HSPA12A: variants seen among roughly 807,000 people sequenced by gnomAD.
HSPA12A encodes heat shock protein family A (Hsp70) member 12A.
Under a neutral mutation model 69.2 loss-of-function variants are expected in HSPA12A, and 28 were observed. The ratio of observed to expected loss-of-function variants is 0.40; its 90% CI spans 0.30 to 0.55. The LOEUF (loss-of-function observed/expected upper bound fraction) is 0.55. Among genes scored for constraint, HSPA12A ranks in the 20% least tolerant of loss-of-function variants. The pLI is 0.38. For missense variants in HSPA12A, 686 were observed against 900.7 expected, an observed-to-expected ratio of 0.76 and a Z score of 3.05; for synonymous variants, 345 against 370.5, an observed-to-expected ratio of 0.93 and a Z score of 0.79.
At chr10:116,821,706 C>A (rs1349238482) in intron 2 of HSPA12A, among the ~76,000 whole-genome samples, 1 of 152,148 alleles carries the variant, frequency 6.6e-6, no homozygotes, top group Admixed American at 6.5e-5. Flanking sequence ...CCACGCTGAT[C>A]CACCCGTGTC....
chr10:116,850,325 T>C (rs1290917666), upstream of HSPA12A: 1 of 161,648 alleles, frequency 6.2e-6, no homozygotes, highest in Non-Finnish European at 1.3e-5. Context: ...CCTACAGCAT[T>C]TCCTTCGTGT....
In HSPA12A at chr10:116,675,602, A is replaced by G. The variant is rs782201479; in HGVS notation, c.1391-184T>C. Among the ~76,000 whole-genome samples the G allele has an allele frequency of 7.9e-5, 12 of 152,238 alleles. No homozygotes were observed. The highest frequency in any genetic ancestry group is 1.6e-4 in the Non-Finnish European group (11 of 68,032). ...TCTTTTAAAGAAAGGGAGTTTGCAC[A>G]CCAATATGTTCCGGAATAAAAGCCA... On this transcript the variant is annotated intron_variant, in intron 11 of 11. Transcript: ENST00000369209. This position sits in a 1 kb window ranked among gnomAD's most constrained non-coding sequence, Gnocchi z 5.2.
At position 116,737,520 on chromosome 10, in the gene HSPA12A, C is replaced by T. The variant is rs1221584728; in HGVS notation, c.40+4910G>A. ...TGGCTGAGAAGACAAAGATAAGGAG[C>T]GCAACCACATAATTCACCTTCCAAA... On this transcript the variant is annotated intron_variant, in intron 1 of 11. Transcript: ENST00000369209. 5.3e-5 allele frequency among the ~76,000 whole-genome samples: 8 copies of T among 152,296 alleles called. No homozygotes were observed. The South Asian group carries it at 6.2e-4, about 12-fold the overall frequency.
intron 4 of HSPA12A, 88 bp from the exon 5 acceptor site, chr10:116,698,827 A>G (rs1849995646): frequency 2.0e-6 from 2 of 1,017,736 alleles, no homozygotes; most frequent in East Asian, 2.4e-5. Context: ...GGGGACCTAG[A>G]GGATCCTGGT....
intron 2 of HSPA12A, among the ~76,000 whole-genome samples, chr10:116,761,866 CA>C (rs74264524): frequency 4.3e-4 from 62 of 145,082 alleles, no homozygotes; most frequent in Middle Eastern, 3.5e-3. Flanking sequence ...GCAGTGATAA[CA>C]AAAAAAAAAG....
intron 2 of HSPA12A, among the ~76,000 whole-genome samples, chr10:116,824,293 T>C (rs1346815254): frequency 6.6e-6 from 1 of 152,228 alleles, no homozygotes; most frequent in African/African-American, 2.4e-5. Flanking sequence ...AGAAGCCTCA[T>C]ACACTGTTGG....
At chr10:116,794,287 T>G (rs1322717316) in intron 2 of HSPA12A, among the ~76,000 whole-genome samples, 1 of 152,074 alleles carries the variant, frequency 6.6e-6, no homozygotes, top group Non-Finnish European at 1.5e-5. Flanking sequence ...TCACATAAGA[T>G]TTATTTTAAA....
chr10:116,803,436 C>T (rs923501928), intron 2 of HSPA12A, among the ~76,000 whole-genome samples: 9 of 152,312 alleles, frequency 5.9e-5, no homozygotes, highest in Admixed American at 1.3e-4. Flanking sequence ...CTTTCTGCTT[C>T]GGTATCTAAC....
At chr10:116,818,942 G>A (rs1845358374) in intron 2 of HSPA12A, among the ~76,000 whole-genome samples, 4 of 151,954 alleles carry the variant, frequency 2.6e-5, no homozygotes, top group Admixed American at 2.6e-4. Flanking sequence ...CTTGTACCTT[G>A]ACCTTCTCTG....
chr10:116,721,044 G>A (rs1189900649), intron 1 of HSPA12A, among the ~76,000 whole-genome samples: 3 of 152,208 alleles, frequency 2.0e-5, no homozygotes, highest in Admixed American at 6.5e-5. Context: ...GACTTTTTAA[G>A]ACCTTTGAAG....
chr10:116,748,929 G>T (rs1554888043), intron 2 of HSPA12A, among the ~76,000 whole-genome samples: 2 of 152,072 alleles, frequency 1.3e-5, no homozygotes, highest in African/African-American at 4.8e-5. Context: ...TGTGGGAGCT[G>T]GGACCAGTCA....
At chr10:116,796,104 C>A (rs1385141069) in intron 2 of HSPA12A, among the ~76,000 whole-genome samples, 1 of 142,280 alleles carries the variant, frequency 7.0e-6, no homozygotes, top group Non-Finnish European at 1.5e-5. Context: ...GCCAAGATCC[C>A]GCCACTGCAC....
At chr10:116,704,916 C>T (rs1387136840) in intron 3 of HSPA12A, among the ~76,000 whole-genome samples, 4 of 152,238 alleles carry the variant, frequency 2.6e-5, no homozygotes, top group Non-Finnish European at 4.4e-5. Context: ...AACATACTGC[C>T]CAGGCCCCTC....
At chr10:116,778,010 G>A (rs797031463) in intron 2 of HSPA12A, among the ~76,000 whole-genome samples, 33 of 152,272 alleles carry the variant, frequency 2.2e-4, no homozygotes, top group African/African-American at 7.2e-4. Context: ...ACAGACACGA[G>A]CCACTGCACC....
intron 6 of HSPA12A, among the ~76,000 whole-genome samples, chr10:116,688,389 C>T (rs782393955): frequency 2.6e-5 from 4 of 152,206 alleles, no homozygotes; most frequent in African/African-American, 7.2e-5. Flanking sequence ...GCAGCAGGAG[C>T]GACATCGTAG....
chr10:116,846,991 T>G (rs1245072615), intron 1 of HSPA12A, among the ~76,000 whole-genome samples: 2 of 152,192 alleles, frequency 1.3e-5, no homozygotes, highest in African/African-American at 4.8e-5. Context: ...TCAAAACGAT[T>G]TTCCCCCTTT....
At chr10:116,795,403 G>A (rs140034851) in intron 2 of HSPA12A, among the ~76,000 whole-genome samples, 70 of 152,136 alleles carry the variant, frequency 4.6e-4, no homozygotes, top group African/African-American at 1.6e-3. Flanking sequence ...AAGAGGCCAG[G>A]CATGGTGGCT....
At chr10:116,752,236 C>A (rs1851792316) in intron 2 of HSPA12A, among the ~76,000 whole-genome samples, 1 of 152,174 alleles carries the variant, frequency 6.6e-6, no homozygotes, top group African/African-American at 2.4e-5. Flanking sequence ...CACCAAGTAG[C>A]CCTGCCAAGA....
chr10:116,741,516 CGCGCGGCGCCTCCATGCGCCCAA>C, intron 1 of HSPA12A, among the ~76,000 whole-genome samples: 1 of 152,198 alleles, frequency 6.6e-6, no homozygotes, highest in Non-Finnish European at 1.5e-5. Context: ...AGGTCAGGGA[CGCGCGGCGCCTCCATGCGCCCAA>C]CTTTCCCCAC....
Sources: gnomAD v4.1 joint callset for allele counts (sites outside exome capture counted in the v4.1 genomes callset) on GRCh38, gnomAD v4.1.1 for gene constraint, Gnocchi (gnomAD v3.1) non-coding constraint, MANE v1.5 for transcripts, NCBI Gene and HGNC (gene_info 2026-07-23, HGNC 2026-07-21) for gene names.